Variants in MACROD2 observed in about 807,000 individuals in gnomAD.
MACROD2 encodes ADP-ribose glycohydrolase MACROD2.
Under a neutral mutation model 70.4 loss-of-function variants are expected in MACROD2, and 36 were observed. The ratio of observed to expected loss-of-function variants is 0.51; its 90% CI spans 0.39 to 0.68. The LOEUF (loss-of-function observed/expected upper bound fraction) is 0.68, where lower values mean the gene tolerates loss of function less well. Among genes scored for constraint, MACROD2 ranks in the 30% least tolerant of loss-of-function variants. MACROD2 has a pLI of 0.00. For missense variants in MACROD2, 496 were observed against 538.4 expected, an observed-to-expected ratio of 0.92 and a Z score of 0.78; for synonymous variants, 172 against 178.8, an observed-to-expected ratio of 0.96 and a Z score of 0.30.
At chr20:14,910,534 G>C (rs2074013999) in intron 5 of MACROD2, among the ~76,000 whole-genome samples, 1 of 152,212 alleles carries the variant, frequency 6.6e-6, no homozygotes, top group African/African-American at 2.4e-5. Context: ...AATTTGTTGA[G>C]AGCCCGAGAA....
intron 5 of MACROD2, among the ~76,000 whole-genome samples, chr20:14,737,168 T>C (rs2071676563): frequency 6.6e-6 from 1 of 152,158 alleles, no homozygotes; most frequent in South Asian, 2.1e-4. Context: ...GTGTTCTCAT[T>C]GTTCAACTCC....
intron 4 of MACROD2, among the ~76,000 whole-genome samples, chr20:14,502,201 G>C (rs1253150005): frequency 1.3e-5 from 2 of 152,134 alleles, no homozygotes; most frequent in African/African-American, 2.4e-5. Flanking sequence ...TTTTTTAACT[G>C]TATCTGATGT....
chr20:14,044,453 C>T (rs1457371016), intron 2 of MACROD2, among the ~76,000 whole-genome samples: 1 of 152,140 alleles, frequency 6.6e-6, no homozygotes, highest in African/African-American at 2.4e-5. Flanking sequence ...TGGCAGCCTG[C>T]TTTTATTCTC....
At chr20:15,850,798 T>C (rs146450301) in intron 8 of MACROD2, among the ~76,000 whole-genome samples, 220 of 152,266 alleles carry the variant, frequency 1.4e-3, no homozygotes, top group African/African-American at 5.2e-3. Flanking sequence ...CAGTGTCGGA[T>C]GGGGCCCCAA....
intron 6 of MACROD2, among the ~76,000 whole-genome samples, chr20:15,374,016 G>T (rs1166614794): frequency 6.6e-6 from 1 of 151,798 alleles, no homozygotes; most frequent in East Asian, 1.9e-4. Context: ...CCTCTAATAT[G>T]AGAATTCATG....
intron 5 of MACROD2, among the ~76,000 whole-genome samples, chr20:15,054,150 C>T (rs2075464521): frequency 6.6e-6 from 1 of 152,136 alleles, no homozygotes; most frequent in Non-Finnish European, 1.5e-5. Context: ...ATGCTGTGAA[C>T]ATTGTTGAAA....
At chr20:15,811,848 T>C (rs1280593421) in intron 8 of MACROD2, among the ~76,000 whole-genome samples, 1 of 152,076 alleles carries the variant, frequency 6.6e-6, no homozygotes, top group Admixed American at 6.6e-5. Context: ...GGCCAGGCAA[T>C]CAGCAAAGGG....
At chr20:14,220,566 A>G (rs1192688352) in intron 3 of MACROD2, among the ~76,000 whole-genome samples, 1 of 152,038 alleles carries the variant, frequency 6.6e-6, no homozygotes, top group African/African-American at 2.4e-5. Flanking sequence ...ATCTCGTTCA[A>G]ATGGTTACAA....
intron 11 of MACROD2, 30 bp from the exon 12 acceptor site, chr20:15,937,446 C>T: frequency 1.9e-6 from 3 of 1,610,874 alleles, no homozygotes; most frequent in Non-Finnish European, 2.5e-6. Context: ...AGGATGAACT[C>T]TGAGGCAGTG....
At chr20:15,228,517 C>G (rs2145979522) in intron 5 of MACROD2, among the ~76,000 whole-genome samples, 1 of 113,494 alleles carries the variant, frequency 8.8e-6, no homozygotes, top group South Asian at 2.9e-4. Context: ...GAGATGGAGT[C>G]TCACTCCGTC....
chr20:15,170,204 C>A (rs936563864), intron 5 of MACROD2, among the ~76,000 whole-genome samples: 3 of 152,042 alleles, frequency 2.0e-5, no homozygotes, highest in African/African-American at 2.4e-5. Context: ...AAGCTGAATT[C>A]TTTTTTCAGG....
intron 4 of MACROD2, among the ~76,000 whole-genome samples, chr20:14,515,155 CTG>C (rs1353478753): frequency 1.3e-5 from 2 of 152,050 alleles, no homozygotes; most frequent in Non-Finnish European, 2.9e-5. Context: ...AAGAAAGTCA[CTG>C]TGTTATTTAT....
chr20:14,559,802 T>C (rs2123287480), intron 4 of MACROD2, among the ~76,000 whole-genome samples: 1 of 151,966 alleles, frequency 6.6e-6, no homozygotes, highest in Non-Finnish European at 1.5e-5. Context: ...CATGCATGAC[T>C]TGTACATACC....
intron 11 of MACROD2, among the ~76,000 whole-genome samples, chr20:15,935,572 T>C (rs2065646410): frequency 6.6e-6 from 1 of 152,204 alleles, no homozygotes; most frequent in Non-Finnish European, 1.5e-5. Context: ...GCAGGCCTCT[T>C]ACACGTCATG....
chr20:15,260,493 G>A (rs1452892618), intron 6 of MACROD2, among the ~76,000 whole-genome samples: 1 of 151,818 alleles, frequency 6.6e-6, no homozygotes, highest in Non-Finnish European at 1.5e-5. Context: ...ATAGTATTCT[G>A]TTGTGTGTAT....
intron 12 of MACROD2, among the ~76,000 whole-genome samples, chr20:15,967,140 C>T (rs1464570573): frequency 6.6e-6 from 1 of 152,096 alleles, no homozygotes; most frequent in Non-Finnish European, 1.5e-5. Context: ...CTGTATCTGA[C>T]TTTTTCAAGG....
intron 3 of MACROD2, among the ~76,000 whole-genome samples, chr20:14,490,041 A>G (rs1600296507): frequency 6.6e-6 from 1 of 152,268 alleles, no homozygotes; most frequent in Middle Eastern, 3.4e-3. Flanking sequence ...TATTTTGAGA[A>G]AAACATAAAT....
intron 3 of MACROD2, among the ~76,000 whole-genome samples, chr20:14,333,293 C>T (rs1020657473): frequency 1.4e-4 from 21 of 152,038 alleles, no homozygotes; most frequent in Admixed American, 6.6e-4. Context: ...GGTTATTTTC[C>T]CCGGTACGTT....
intron 3 of MACROD2, among the ~76,000 whole-genome samples, chr20:14,236,009 T>G (rs2081866849): frequency 6.6e-6 from 1 of 152,118 alleles, no homozygotes; most frequent in African/African-American, 2.4e-5. Flanking sequence ...TGTCCTAAAC[T>G]GAGAGGCTTG....
Sources: gnomAD v4.1 joint callset for allele counts (sites outside exome capture counted in the v4.1 genomes callset) on GRCh38, gnomAD v4.1.1 for gene constraint, MANE v1.5 for transcripts, NCBI Gene and HGNC (gene_info 2026-07-23, HGNC 2026-07-21) for gene names.